The following CCNH variants were observed in gnomAD, a reference collection of about 807,000 sequenced individuals.
CCNH encodes the protein cyclin H.
A neutral mutation model predicts 41.9 loss-of-function variants in CCNH; 31 were observed. The ratio of observed to expected loss-of-function variants is 0.74; its 90% confidence interval spans 0.56 to 1.00. CCNH has a LOEUF of 1.00. Ranked by LOEUF, CCNH falls within the 50% of genes least tolerant of loss-of-function variation. The pLI, the probability that CCNH is intolerant of heterozygous loss-of-function variation, is 0.00. For missense variants in CCNH, 362 were observed against 388.4 expected, an observed-to-expected ratio of 0.93 and a Z score of 0.57; for synonymous variants, 138 against 136.1, an observed-to-expected ratio of 1.01 and a Z score of -0.10.
At chr5:87,322,814 C>A (rs1756928023) in intron 9 of CCNH, among the ~76,000 whole-genome samples, 1 of 152,140 alleles carries the variant, frequency 6.6e-6, no homozygotes, top group Non-Finnish European at 1.5e-5. Context: ...CAACCACATA[C>A]ATAAATAAAA....
At chr5:87,391,852 G>GT (rs1762550624), downstream of CCNH, 1 of 232,044 alleles carries the variant, frequency 4.3e-6, no homozygotes, top group Admixed American at 5.6e-5. Flanking sequence ...ATTTACTTCT[G>GT]TATGTGTATT....
intron 9 of CCNH, among the ~76,000 whole-genome samples, chr5:87,321,922 G>A (rs1249926027): frequency 6.6e-6 from 1 of 152,184 alleles, no homozygotes; most frequent in Non-Finnish European, 1.5e-5. Context: ...ATGAAAGGAG[G>A]GCAGGAGAAG....
intron 1 of CCNH, chr5:87,412,460 C>A: frequency 7.1e-7 from 1 of 1,405,478 alleles, no homozygotes; most frequent in Non-Finnish European, 9.3e-7. Flanking sequence ...GTTACAAAGA[C>A]TGGTTACTTG....
At chr5:87,349,062 A>T (rs1306549308) in intron 9 of CCNH, 1 of 965,348 alleles carries the variant, frequency 1.0e-6, no homozygotes, top group African/African-American at 1.7e-5. Context: ...TAAACCAGAA[A>T]ATTTGAAAGA....
intron 9 of CCNH, chr5:87,362,737 A>G (rs2112457882): frequency 1.3e-6 from 2 of 1,518,720 alleles, no homozygotes; most frequent in East Asian, 2.3e-5. Context: ...CTCCGAACTT[A>G]TTGTGATATA....
At chr5:87,352,495 A>G (rs1644784690) in intron 9 of CCNH, among the ~76,000 whole-genome samples, 1 of 151,788 alleles carries the variant, frequency 6.6e-6, no homozygotes, top group African/African-American at 2.4e-5. Context: ...ACAACTTTAT[A>G]TTTAAAAAAA....
At chr5:87,388,141 A>ATTACT (rs533419701), downstream of CCNH, among the ~76,000 whole-genome samples, 10 of 152,298 alleles carry the variant, frequency 6.6e-5, no homozygotes, top group South Asian at 1.9e-3. Context: ...TGTTGCTATG[A>ATTACT]TTACTTTATT....
At chr5:87,392,571 G>A, downstream of CCNH, 4 of 324,186 alleles carry the variant, frequency 1.2e-5, no homozygotes, top group Non-Finnish European at 1.8e-5. Context: ...AAGACAGGGA[G>A]GATATGGATT....
At chr5:87,319,301 G>A (rs377301663) in intron 9 of CCNH, among the ~76,000 whole-genome samples, 1 of 152,234 alleles carries the variant, frequency 6.6e-6, no homozygotes, top group Non-Finnish European at 1.5e-5. Context: ...CAGTGCCCTA[G>A]TGGAGACTCT....
chr5:87,332,377 T>G (rs1319166157), intron 9 of CCNH: 5 of 928,788 alleles, frequency 5.4e-6, no homozygotes, highest in African/African-American at 3.4e-5. Context: ...ATAAGTGGTA[T>G]TTTAGTATAA....
chr5:87,331,188 G>T (rs770926808), intron 9 of CCNH: 2 of 969,208 alleles, frequency 2.1e-6, no homozygotes, highest in South Asian at 2.7e-5. Flanking sequence ...TGAGACTGAG[G>T]TTAAATTGAG....
At chr5:87,354,398 AT>A (rs977049298) in intron 9 of CCNH, among the ~76,000 whole-genome samples, 2 of 152,008 alleles carry the variant, frequency 1.3e-5, no homozygotes, top group African/African-American at 2.4e-5. Context: ...CTTTTTCACT[AT>A]TATATGTTAT....
intron 9 of CCNH, among the ~76,000 whole-genome samples, chr5:87,337,348 C>G (rs548739771): frequency 2.6e-5 from 4 of 152,118 alleles, no homozygotes; most frequent in Admixed American, 2.6e-4. Flanking sequence ...ACATTCCTTT[C>G]TCATAATATA....
upstream of CCNH, among the ~76,000 whole-genome samples, chr5:87,381,545 TG>T (rs1426393900): frequency 1.3e-5 from 2 of 152,254 alleles, no homozygotes; most frequent in East Asian, 3.8e-4. Flanking sequence ...GTGTTAATCC[TG>T]CCTCCAACCT....
At chr5:87,348,151 A>G (rs1758995950) in intron 9 of CCNH, among the ~76,000 whole-genome samples, 1 of 152,022 alleles carries the variant, frequency 6.6e-6, no homozygotes, top group African/African-American at 2.4e-5. Flanking sequence ...AGCCCATATT[A>G]TACAATCAAT....
Position 87,409,337 on chromosome 5 carries a change from ACGTTTGAAAT to A in CCNH, c.257_266del (p.Tyr86PhefsTer8), listed in dbSNP as rs1764042512. 1 of 1,573,278 alleles carries A rather than the reference ACGTTTGAAAT, an allele frequency of 6.4e-7. No homozygotes were observed. The highest frequency in any genetic ancestry group is 8.7e-7 in the Non-Finnish European group (1 of 1,143,902). ...CCATTACTGAGTTATTAAGATAAAA[ACGTTTGAAAT>A]ACATACAAGCCGTACCCTAAGGGTT... On this transcript the variant is annotated frameshift_variant, in exon 3 of 9. Transcript: ENST00000256897. LOFTEE classifies it high-confidence loss of function.
intron 9 of CCNH, among the ~76,000 whole-genome samples, chr5:87,367,975 A>T (rs1050948176): frequency 1.2e-4 from 17 of 145,754 alleles, no homozygotes; most frequent in Admixed American, 2.7e-4. Flanking sequence ...ACTATAAATT[A>T]AAAAAAAAAT....
In CCNH at chr5:87,394,394, A is replaced by AT; in HGVS notation, c.*51dup. On this transcript the variant is annotated 3_prime_UTR_variant, in exon 9 of 9. Transcript: ENST00000256897. The stretch of plus-strand genomic sequence containing the variant: ...TTTTAAATAAAGTTAAACGTTTGAT[A>AT]TGCTTCCTACTTCTCTTGATTAGTT... 1.9e-6 allele frequency: 3 copies of AT among 1,586,300 alleles called. No individual in the cohort carries two copies. The highest frequency in any genetic ancestry group is 2.6e-6 in the Non-Finnish European group (3 of 1,165,884).
At chr5:87,344,534 T>G (rs748985275) in intron 9 of CCNH, among the ~76,000 whole-genome samples, 1 of 151,978 alleles carries the variant, frequency 6.6e-6, no homozygotes, top group Non-Finnish European at 1.5e-5. Flanking sequence ...GTTTTAGAGA[T>G]AGGTTCTTGC....
Sources: allele counts gnomAD v4.1 joint callset (sites outside exome capture counted in the v4.1 genomes callset), GRCh38; gene constraint gnomAD v4.1.1; transcripts MANE v1.5; gene names NCBI Gene and HGNC (gene_info 2026-07-23, HGNC 2026-07-21).